The following LATS2 variants were observed in gnomAD, a reference collection of about 807,000 sequenced individuals.
The protein encoded by LATS2 is serine/threonine-protein kinase LATS2.
In LATS2, 24 loss-of-function variants were observed where a neutral mutation model predicts 76.0. That is an observed-to-expected ratio of 0.32 (90% CI 0.23 to 0.44). LATS2 has a LOEUF of 0.44. Among genes scored for constraint, LATS2 ranks in the 20% least tolerant of loss-of-function variants. The pLI, the probability that LATS2 is intolerant of heterozygous loss-of-function variation, is 1.00. For missense variants in LATS2, 1,286 were observed against 1,481.2 expected (o/e 0.87, Z 2.16); for synonymous variants, 692 against 635.4 (o/e 1.09, Z -1.34).
At chr13:21,037,268 A>G (rs542015834) in intron 2 of LATS2, among the ~76,000 whole-genome samples, 354 of 152,196 alleles carry the variant, frequency 2.3e-3, no homozygotes, top group African/African-American at 7.9e-3. Flanking sequence ...GCCAGGCATG[A>G]CGGTGGGTGC....
chr13:21,025,317 G>A (rs974504091), intron 2 of LATS2, among the ~76,000 whole-genome samples: 4 of 151,210 alleles, frequency 2.6e-5, no homozygotes, highest in South Asian at 2.1e-4. Context: ...GCTTGAACCC[G>A]GGAGGCAGAG....
Position 20,991,217 on chromosome 13 carries a change from G to T in LATS2, c.475+55C>A. 2.5e-6 allele frequency: 4 copies of T among 1,608,334 alleles called. No individual in the cohort carries two copies. The highest frequency in any genetic ancestry group is 3.4e-6 in the Non-Finnish European group (4 of 1,176,448). ...GTTGGACCCCTCTGCACGTGGTTTT[G>T]TTGTCCTTAAGCCACAAACCATCTT... On this transcript the variant is annotated intron_variant, in intron 3 of 7. Transcript: ENST00000382592. The surrounding 1 kb of genome is among the most constrained non-coding windows in gnomAD (Gnocchi z 4.9).
chr13:21,020,413 G>A (rs1009415324), intron 2 of LATS2, among the ~76,000 whole-genome samples: 7 of 152,198 alleles, frequency 4.6e-5, no homozygotes, highest in African/African-American at 1.7e-4. Context: ...AAGCCTCACC[G>A]CACTGCCTCT....
rs762984472 is a variant in LATS2 at position 20,975,092 on chromosome 13, G to A, written c.3045C>T (p.Ser1015=). The change falls in exon 8 of 8, where the codon AGC becomes AGT. Residue 1015 remains serine, a synonymous_variant. Transcript: ENST00000382592. The stretch of plus-strand genomic sequence containing the variant: ...TGTCCCAGGCCTTGGTGCTACCTTC[G>A]CTGGCATCGTTCCAAGGGCTTTCTT... The part of the protein sequence containing the change: ...VDEESPWNDA[S]EGSTKAWDTL... 7 of 1,614,200 alleles carry A rather than the reference G, an allele frequency of 4.3e-6. No individual in the cohort carries two copies. The highest frequency in any genetic ancestry group is 5.9e-6 in the Non-Finnish European group (7 of 1,180,038).
chr13:21,019,493 A>ATTTTTTTT (rs67762203), intron 2 of LATS2, among the ~76,000 whole-genome samples: 1 of 132,642 alleles, frequency 7.5e-6, no homozygotes, highest in Admixed American at 7.6e-5. Flanking sequence ...CGCCCAGCTA[A>ATTTTTTTT]TTTTTTTTTT....
intron 2 of LATS2, among the ~76,000 whole-genome samples, chr13:20,997,344 T>C (rs1313783235): frequency 6.6e-6 from 1 of 152,190 alleles, no homozygotes; most frequent in Non-Finnish European, 1.5e-5. Flanking sequence ...ACCTAACCAC[T>C]ACGAAGCCTG....
At chr13:20,999,446 T>C (rs1340675386) in intron 2 of LATS2, among the ~76,000 whole-genome samples, 4 of 152,230 alleles carry the variant, frequency 2.6e-5, no homozygotes, top group Non-Finnish European at 5.9e-5. Flanking sequence ...CCAATTTTCA[T>C]ATCTGCTGCA....
chr13:21,049,302 G>A lies in LATS2; in HGVS notation c.-204-3072C>T, dbSNP rs564048698. On this transcript the variant is annotated intron_variant, in intron 1 of 7. Transcript: ENST00000382592. ...CTATGGTTCAGCTAAGGAGTGACACGGCCTGAGTGGAAGGTGGGCTTAGAA... is the reference window on the plus strand; with the variant it reads ...CTATGGTTCAGCTAAGGAGTGACACAGCCTGAGTGGAAGGTGGGCTTAGAA... Among the ~76,000 whole-genome samples the A allele has an allele frequency of 1.3e-3, 193 of 152,286 alleles. 1 individual carries two copies. The highest frequency in any genetic ancestry group is 4.0e-3 in the African/African-American group (167 of 41,548).
Position 21,055,377 on chromosome 13 carries a change from C to T in LATS2, c.-205+5969G>A, listed in dbSNP as rs1448275352. ...ATTTCTTTGGCATCACCAATTGATTCACACACATTTTAAGTAACAAACTAC... is the reference window on the plus strand; with the variant it reads ...ATTTCTTTGGCATCACCAATTGATTTACACACATTTTAAGTAACAAACTAC... On this transcript the variant is annotated intron_variant, in intron 1 of 7. Transcript: ENST00000382592. 3.9e-5 allele frequency among the ~76,000 whole-genome samples: 6 copies of T among 152,160 alleles called. No individual in the cohort carries two copies. In the East Asian group the frequency reaches 5.8e-4, roughly 15 times the overall value.
At chr13:21,050,928 A>G (rs1350660886) in intron 1 of LATS2, among the ~76,000 whole-genome samples, 1 of 152,220 alleles carries the variant, frequency 6.6e-6, no homozygotes, top group Middle Eastern at 3.2e-3. Context: ...ATGCCATGAT[A>G]CCACAGCCAC....
At chr13:21,023,435 CGT>C (rs1476032450) in intron 2 of LATS2, among the ~76,000 whole-genome samples, 1 of 151,620 alleles carries the variant, frequency 6.6e-6, no homozygotes, top group Non-Finnish European at 1.5e-5. Flanking sequence ...TGTAAGACAC[CGT>C]GTGGGTAGAA....
At position 21,035,500 on chromosome 13, in the gene LATS2, G is replaced by A. The variant is rs531460724; in HGVS notation, c.342+10185C>T. On this transcript the variant is annotated intron_variant, in intron 2 of 7. Coordinates refer to ENST00000382592, the MANE Select transcript of LATS2 (RefSeq NM_014572.3). ...CCAGAACTCGGAGCCCCTCTCCCAG[G>A]GCCCCATCCATCAAGCCAGGCAAAA... is the stretch of plus-strand genomic sequence containing the variant. Among the ~76,000 whole-genome samples, 4 of 152,110 alleles carry A rather than the reference G, an allele frequency of 2.6e-5. No homozygotes were observed. In the South Asian group the frequency reaches 8.3e-4, roughly 32 times the overall value.
rs1870511806 is a variant in LATS2, at chr13:20,991,551, G to T, written c.343-147C>A. On this transcript the variant is annotated intron_variant, in intron 2 of 7. Transcript: ENST00000382592. This position sits in a 1 kb window ranked among gnomAD's most constrained non-coding sequence, Gnocchi z 4.9. Reference sequence around the variant, plus strand: ...TGCGATATGCTGCAGGAGACCCTCAGAATGAGTGCAGGTGGCTGTGTGCCC... The same window carrying T: ...TGCGATATGCTGCAGGAGACCCTCATAATGAGTGCAGGTGGCTGTGTGCCC... The T allele has an allele frequency of 2.3e-5, 21 of 899,534 alleles. No homozygotes were observed. Among genetic ancestry groups the T allele is most frequent in the South Asian group, 1.8e-4 (11 of 59,528 alleles). The allele number at this position is 899,534 out of a possible 1,614,324, so 55.7% of individuals were successfully genotyped here.
chr13:21,016,939 CCA>C (rs1299732793), intron 2 of LATS2, among the ~76,000 whole-genome samples: 4 of 152,192 alleles, frequency 2.6e-5, no homozygotes, highest in Non-Finnish European at 4.4e-5. Context: ...CGATCCATGG[CCA>C]TGCATCTGTT....
At chr13:21,017,711 C>T (rs756093791) in intron 2 of LATS2, among the ~76,000 whole-genome samples, 8 of 151,954 alleles carry the variant, frequency 5.3e-5, no homozygotes, top group Non-Finnish European at 8.8e-5. Flanking sequence ...CTGCAACCTC[C>T]GTCTCCGGGG....
rs1450093198 is a variant in LATS2, at chr13:21,045,901, G to A, written c.126C>T (p.Asn42=). Reference sequence around the variant, plus strand: ...CTTTGGCATCCAGGGAAGTGTCACTGTTTGGTCCTGCGGGTAGCCCCTGAA... The same window carrying A: ...CTTTGGCATCCAGGGAAGTGTCACTATTTGGTCCTGCGGGTAGCCCCTGAA... ...SSVQGLPAGP[N]SDTSLDAKVL... Residue 42 remains asparagine, a synonymous_variant, in exon 2 of 8, where the codon AAC becomes AAT. Transcript: ENST00000382592. 2 of 1,614,188 alleles carry A rather than the reference G, an allele frequency of 1.2e-6. No individual in the cohort carries two copies. The highest frequency in any genetic ancestry group is 8.5e-7 in the Non-Finnish European group (1 of 1,180,036).
intron 2 of LATS2, among the ~76,000 whole-genome samples, chr13:21,028,277 G>A (rs1411902334): frequency 6.6e-6 from 1 of 152,100 alleles, no homozygotes; most frequent in Admixed American, 6.5e-5. Flanking sequence ...TTTTATGGCT[G>A]CATAGTATTC....
At chr13:21,028,019 T>C (rs1595244669) in intron 2 of LATS2, among the ~76,000 whole-genome samples, 1 of 152,130 alleles carries the variant, frequency 6.6e-6, no homozygotes, top group Non-Finnish European at 1.5e-5. Context: ...CATGCTGGTG[T>C]GCTGCACCCA....
At chr13:21,061,194 T>A (rs1386677382) in intron 1 of LATS2, among the ~76,000 whole-genome samples, 152 bp downstream of exon 1, 2 of 150,364 alleles carry the variant, frequency 1.3e-5, no homozygotes, top group African/African-American at 4.9e-5. Flanking sequence ...CAGGGCTCCG[T>A]CCGGACAAAC....
Sources: gnomAD v4.1 joint callset for allele counts (sites outside exome capture counted in the v4.1 genomes callset) on GRCh38, gnomAD v4.1.1 for gene constraint, Gnocchi (gnomAD v3.1) non-coding constraint, MANE v1.5 for transcripts, NCBI Gene and HGNC (gene_info 2026-07-23, HGNC 2026-07-21) for gene names.